Variants in NR6A1 observed in about 807,000 individuals in gnomAD.
NR6A1 encodes the protein retinoic acid receptor-related testis-associated receptor.
NR6A1 carries 7 observed loss-of-function variants against 59.1 expected under a neutral mutation model. The observed-to-expected ratio is 0.12, with a 90% CI of 0.07 to 0.22. The LOEUF is 0.22. Among genes scored for constraint, NR6A1 ranks in the 10% least tolerant of loss-of-function variants. The pLI, the probability that NR6A1 is intolerant of heterozygous loss-of-function variation, is 1.00. For synonymous variants in NR6A1, 243 were observed against 236.1 expected (o/e 1.03, Z -0.27); for missense variants, 468 against 611.6 (o/e 0.77, Z 2.48).
At chr9:124,529,355 C>A (rs1227771232) in intron 7 of NR6A1, among the ~76,000 whole-genome samples, 1 of 152,166 alleles carries the variant, frequency 6.6e-6, no homozygotes, top group East Asian at 1.9e-4. Flanking sequence ...GAAATGAAGG[C>A]TCAGGGAGTT....
At chr9:124,722,112 C>G (rs772440256) in intron 2 of NR6A1, among the ~76,000 whole-genome samples, 2 of 152,148 alleles carry the variant, frequency 1.3e-5, no homozygotes, top group African/African-American at 2.4e-5. Flanking sequence ...AACCAGAGTC[C>G]TTTCTGGGCA....
intron 2 of NR6A1, chr9:124,693,948 T>A (rs999051303): frequency 1.7e-5 from 5 of 300,836 alleles, no homozygotes; most frequent in African/African-American, 1.1e-4. Context: ...AAATTCCTAG[T>A]ACTTTTCTCC....
chr9:124,701,799 C>A (rs1431030371), intron 2 of NR6A1, among the ~76,000 whole-genome samples: 2 of 152,302 alleles, frequency 1.3e-5, no homozygotes, highest in South Asian at 4.1e-4. Context: ...TCTCGGCTCA[C>A]TGCAACCTCC....
Position 124,556,096 on chromosome 9 carries a change from A to T in NR6A1, c.143-1526T>A, listed in dbSNP as rs575812096. On this transcript the variant is annotated intron_variant, in intron 2 of 9. Transcript: ENST00000487099. ...AGAATAACTGCGACCCATAGATATC[A>T]GGTCCTAATCCTTGGAACCTGTAAA... is the stretch of plus-strand genomic sequence containing the variant. Among the ~76,000 whole-genome samples, 18 of 152,350 alleles carry T rather than the reference A, an allele frequency of 1.2e-4. 1 individual carries two copies. In the South Asian group the frequency reaches 3.7e-3, roughly 32 times the overall value.
At chr9:124,640,508 T>C (rs1836739780) in intron 2 of NR6A1, among the ~76,000 whole-genome samples, 1 of 152,072 alleles carries the variant, frequency 6.6e-6, no homozygotes, top group Admixed American at 6.5e-5. Flanking sequence ...CAAGCAATGT[T>C]CCTACCTCAG....
At position 124,538,103 on chromosome 9, in the gene NR6A1, C is replaced by T. The variant is rs754335540; in HGVS notation, c.813G>A (p.Leu271=). 6.2e-7 allele frequency: 1 copy of T among 1,608,304 alleles called. No homozygotes were observed. Among genetic ancestry groups the T allele is most frequent in the African/African-American group, 1.3e-5 (1 of 75,034 alleles). ...EDLEPLGTPM[L]IEDGYAVTQA... ...CGGAGCTCACTCACCCATCTTCAATCAACATGGGCGTGCCCAATGGTTCCA... is the reference window on the plus strand; with the variant it reads ...CGGAGCTCACTCACCCATCTTCAATTAACATGGGCGTGCCCAATGGTTCCA... The change falls in exon 6 of 10, where the codon TTG becomes TTA. Residue 271 remains leucine, a synonymous_variant. Coordinates refer to ENST00000487099, the MANE Select transcript of NR6A1 (RefSeq NM_033334.4).
intron 2 of NR6A1, among the ~76,000 whole-genome samples, chr9:124,610,359 C>G: frequency 6.6e-6 from 1 of 152,058 alleles, no homozygotes; most frequent in East Asian, 1.9e-4. Context: ...TTGAGATAAT[C>G]TGTGGTTTCT....
At chr9:124,563,203 G>A (rs968889185) in intron 2 of NR6A1, among the ~76,000 whole-genome samples, 3 of 152,182 alleles carry the variant, frequency 2.0e-5, no homozygotes. Context: ...ATAACCCACA[G>A]CATCATGTTT....
intron 2 of NR6A1, among the ~76,000 whole-genome samples, chr9:124,588,327 T>G (rs1834993879): frequency 6.6e-6 from 1 of 151,960 alleles, no homozygotes; most frequent in Non-Finnish European, 1.5e-5. Flanking sequence ...GAATTTTTCA[T>G]GATGGAGTCT....
At chr9:124,724,425 AAG>A (rs1379822092) in intron 2 of NR6A1, among the ~76,000 whole-genome samples, 1 of 152,086 alleles carries the variant, frequency 6.6e-6, no homozygotes, top group African/African-American at 2.4e-5. Flanking sequence ...CTGGTAAAAA[AAG>A]AGAAAAAAAA....
chr9:124,522,827 T>C, intron 9 of NR6A1, 34 bp from the exon 10 acceptor site: 1 of 1,534,156 alleles, frequency 6.5e-7, no homozygotes, highest in Non-Finnish European at 8.8e-7. Flanking sequence ...GAGTTAGCAG[T>C]GGTCACTCTA....
At chr9:124,741,896 G>C (rs919695802) in intron 1 of NR6A1, among the ~76,000 whole-genome samples, 2 of 152,164 alleles carry the variant, frequency 1.3e-5, no homozygotes, top group African/African-American at 4.8e-5. Context: ...GTGCTCGGTA[G>C]CCATGATCGA....
intron 2 of NR6A1, among the ~76,000 whole-genome samples, chr9:124,626,155 G>A (rs938919241): frequency 2.1e-4 from 32 of 152,182 alleles, no homozygotes; most frequent in Non-Finnish European, 4.1e-4. Context: ...ACAGGCGCAC[G>A]CCACCATGCC....
chr9:124,618,553 C>CA (rs1835967462), intron 2 of NR6A1, among the ~76,000 whole-genome samples: 1 of 152,072 alleles, frequency 6.6e-6, no homozygotes, highest in Non-Finnish European at 1.5e-5. Context: ...GGTTACAGGT[C>CA]AAAGAAAACA....
intron 2 of NR6A1, among the ~76,000 whole-genome samples, chr9:124,570,633 G>A (rs1183468043): frequency 6.9e-6 from 1 of 144,836 alleles, no homozygotes; most frequent in Non-Finnish European, 1.5e-5. Context: ...TGTAATACAA[G>A]GTTTTCATTT....
At chr9:124,706,668 G>A (rs889528626) in intron 2 of NR6A1, among the ~76,000 whole-genome samples, 1 of 151,942 alleles carries the variant, frequency 6.6e-6, no homozygotes, top group African/African-American at 2.4e-5. Flanking sequence ...ACTGACATGC[G>A]CCACCACACC....
chr9:124,738,313 C>A (rs530685234), intron 1 of NR6A1, among the ~76,000 whole-genome samples: 8 of 151,998 alleles, frequency 5.3e-5, no homozygotes, highest in Non-Finnish European at 1.2e-4. Context: ...AACAAACATA[C>A]CCCCAAACCC....
chr9:124,550,983 T>C (rs529311204), intron 3 of NR6A1, among the ~76,000 whole-genome samples: 24 of 152,370 alleles, frequency 1.6e-4, no homozygotes, highest in Admixed American at 5.2e-4. Flanking sequence ...CCTCAAGTTG[T>C]TCCACCGTTG....
chr9:124,722,231 A>G (rs889291180), intron 2 of NR6A1, among the ~76,000 whole-genome samples: 2 of 152,216 alleles, frequency 1.3e-5, no homozygotes, highest in African/African-American at 4.8e-5. Flanking sequence ...ATCATTTTAT[A>G]TGCTATAATC....
Sources: allele counts gnomAD v4.1 joint callset (sites outside exome capture counted in the v4.1 genomes callset), GRCh38; gene constraint gnomAD v4.1.1; transcripts MANE v1.5; gene names NCBI Gene and HGNC (gene_info 2026-07-23, HGNC 2026-07-21).